ATP8A1: variants seen among roughly 807,000 people sequenced by gnomAD.
The protein encoded by ATP8A1 is phospholipid-transporting ATPase IA.
Under a neutral mutation model 177.7 loss-of-function variants are expected in ATP8A1, and 90 were observed. That is an observed-to-expected ratio of 0.51 (90% CI 0.43 to 0.60). ATP8A1 has a LOEUF of 0.60. Ranked by LOEUF, ATP8A1 falls within the 20% of genes least tolerant of loss-of-function variation. The pLI is 0.00. For missense variants in ATP8A1, 1,072 were observed against 1,392.8 expected (o/e 0.77, Z 3.67); for synonymous variants, 493 against 485.9 (o/e 1.01, Z -0.19).
intron 4 of ATP8A1, among the ~76,000 whole-genome samples, chr4:42,620,458 T>C (rs955075868): frequency 2.0e-5 from 3 of 152,194 alleles, no homozygotes; most frequent in Non-Finnish European, 4.4e-5. Context: ...AAAAAAAAAC[T>C]TCTTGGATAC....
intron 20 of ATP8A1, among the ~76,000 whole-genome samples, chr4:42,539,395 AC>A (rs59861092): frequency 0.27 from 34,733 of 130,154 alleles, 4,654 homozygotes; most frequent in South Asian, 0.36. Context: ...AAAATAAAAT[AC>A]CCCCCCCCCA....
At chr4:42,644,017 T>C (rs1740273367) in intron 1 of ATP8A1, among the ~76,000 whole-genome samples, 1 of 152,238 alleles carries the variant, frequency 6.6e-6, no homozygotes, top group South Asian at 2.1e-4. Context: ...CATCTGGTAC[T>C]GAGCAGACCA....
intron 5 of ATP8A1, among the ~76,000 whole-genome samples, chr4:42,600,989 C>CAAA (rs1214166313): frequency 7.0e-6 from 1 of 143,294 alleles, no homozygotes; most frequent in South Asian, 2.2e-4. Flanking sequence ...TATATTAATG[C>CAAA]AAAAAAACAA....
At chr4:42,465,422 C>T (rs899998635) in intron 25 of ATP8A1, among the ~76,000 whole-genome samples, 2 of 152,158 alleles carry the variant, frequency 1.3e-5, no homozygotes, top group African/African-American at 4.8e-5. Flanking sequence ...ATAAATGCTG[C>T]CAAACACTAA....
intron 5 of ATP8A1, among the ~76,000 whole-genome samples, chr4:42,613,876 G>A (rs566750700): frequency 2.0e-4 from 28 of 143,484 alleles, no homozygotes; most frequent in African/African-American, 3.7e-4. Context: ...GAGCCGCCCC[G>A]CCTGGCCTCA....
intron 29 of ATP8A1, among the ~76,000 whole-genome samples, chr4:42,454,201 G>A (rs1309778935): frequency 2.6e-5 from 4 of 152,166 alleles, no homozygotes; most frequent in East Asian, 1.9e-4. Flanking sequence ...CGCTGTGTTC[G>A]TGAAGATCAC....
At chr4:42,476,684 T>C (rs1287688885) in intron 25 of ATP8A1, among the ~76,000 whole-genome samples, 1 of 150,742 alleles carries the variant, frequency 6.6e-6, no homozygotes, top group Non-Finnish European at 1.5e-5. Flanking sequence ...GTGCAAACCA[T>C]AAAAGGAAAA....
At chr4:42,635,417 C>T (rs1739172565) in intron 1 of ATP8A1, among the ~76,000 whole-genome samples, 1 of 151,884 alleles carries the variant, frequency 6.6e-6, no homozygotes. Flanking sequence ...TCAATGGTTT[C>T]CAATATTAGG....
intron 35 of ATP8A1, among the ~76,000 whole-genome samples, chr4:42,416,853 A>G (rs181777673): frequency 6.6e-6 from 1 of 152,308 alleles, no homozygotes; most frequent in Admixed American, 6.5e-5. Flanking sequence ...TTTATTATAA[A>G]AAATCAACTA....
intron 6 of ATP8A1, among the ~76,000 whole-genome samples, chr4:42,594,612 T>C (rs1734545130): frequency 6.6e-6 from 1 of 152,114 alleles, no homozygotes; most frequent in Non-Finnish European, 1.5e-5. Context: ...ATCCACTTAA[T>C]TGACACCTTA....
At chr4:42,642,561 C>A (rs140647634) in intron 1 of ATP8A1, among the ~76,000 whole-genome samples, 32 of 152,200 alleles carry the variant, frequency 2.1e-4, no homozygotes, top group African/African-American at 7.2e-4. Context: ...CTGAAAAGAC[C>A]CAGCACATTG....
At chr4:42,596,893 T>G (rs1440446483) in intron 6 of ATP8A1, among the ~76,000 whole-genome samples, 1 of 152,108 alleles carries the variant, frequency 6.6e-6, no homozygotes, top group Non-Finnish European at 1.5e-5. Flanking sequence ...TGTAAAGAAA[T>G]AATCTGTGGC....
chr4:42,512,857 G>C (rs2153195811), intron 22 of ATP8A1, among the ~76,000 whole-genome samples: 1 of 152,290 alleles, frequency 6.6e-6, no homozygotes, highest in East Asian at 1.9e-4. Context: ...GTAACTATGA[G>C]AACTGCTGAT....
At chr4:42,513,113 T>C (rs1413892028) in intron 22 of ATP8A1, among the ~76,000 whole-genome samples, 1 of 152,144 alleles carries the variant, frequency 6.6e-6, no homozygotes, top group African/African-American at 2.4e-5. Context: ...CTTGTGAGCA[T>C]CCCATCTTTG....
intron 15 of ATP8A1, chr4:42,556,246 T>C: frequency 2.5e-6 from 1 of 395,344 alleles, no homozygotes; most frequent in Non-Finnish European, 4.5e-6. Context: ...TGAAAGATGT[T>C]TGCAGTGTAA....
chr4:42,625,499 T>C lies in ATP8A1; in HGVS notation c.264+115A>G, dbSNP rs1275724790. The C allele has an allele frequency of 1.5e-5, 9 of 592,900 alleles. No individual in the cohort carries two copies. The East Asian group carries it at 1.6e-4, about 10-fold the overall frequency. 36.7% of individuals were successfully genotyped at this position (592,900 alleles called of 1,614,324 possible). Reference sequence around the variant, plus strand: ...CACTGCTTGCAGCAGGAGCCAGAAATGTCCACCAAAACCAGCTTATCTCTC... The same window carrying C: ...CACTGCTTGCAGCAGGAGCCAGAAACGTCCACCAAAACCAGCTTATCTCTC... On this transcript the variant is annotated intron_variant, in intron 3 of 36. Transcript: ENST00000381668.
At chr4:42,614,696 CT>C (rs1167012064) in intron 5 of ATP8A1, among the ~76,000 whole-genome samples, 1 of 152,190 alleles carries the variant, frequency 6.6e-6, no homozygotes, top group East Asian at 1.9e-4. Context: ...ACAATTCAAC[CT>C]CAGCCTACCT....
intron 5 of ATP8A1, among the ~76,000 whole-genome samples, chr4:42,601,328 G>A (rs186771121): frequency 6.5e-4 from 97 of 150,188 alleles, no homozygotes; most frequent in African/African-American, 2.3e-3. Context: ...GAGCCACCGC[G>A]CCTGGCCCTA....
At chr4:42,447,727 C>T (rs1219938676) in intron 30 of ATP8A1, among the ~76,000 whole-genome samples, 1 of 152,144 alleles carries the variant, frequency 6.6e-6, no homozygotes, top group Non-Finnish European at 1.5e-5. Flanking sequence ...GAGAGTGGTA[C>T]TGGTGAGCTT....
Sources: allele counts gnomAD v4.1 joint callset (sites outside exome capture counted in the v4.1 genomes callset), GRCh38; gene constraint gnomAD v4.1.1; transcripts MANE v1.5; gene names NCBI Gene and HGNC (gene_info 2026-07-23, HGNC 2026-07-21).